The following FREM2 variants were observed in gnomAD, a reference collection of about 807,000 sequenced individuals.
The protein encoded by FREM2 is FRAS1-related extracellular matrix protein 2.
FREM2 carries 119 observed loss-of-function variants against 219.9 expected under a neutral mutation model. The ratio of observed to expected loss-of-function variants is 0.54; its 90% CI spans 0.47 to 0.63. The LOEUF is 0.63. Among genes scored for constraint, FREM2 ranks in the 30% least tolerant of loss-of-function variants. The pLI is 0.00. For missense variants in FREM2, 4,030 were observed against 3,993.6 expected (o/e 1.01, Z -0.25); for synonymous variants, 1,562 against 1,522.8 (o/e 1.03, Z -0.60).
At chr13:38,806,526 G>A (rs920489929) in intron 6 of FREM2, among the ~76,000 whole-genome samples, 2 of 151,518 alleles carry the variant, frequency 1.3e-5, no homozygotes, top group African/African-American at 4.8e-5. Flanking sequence ...GTATGCAATA[G>A]TCTATTAAGT....
At chr13:38,869,586 T>G (rs1174726981) in intron 16 of FREM2, among the ~76,000 whole-genome samples, 1 of 152,180 alleles carries the variant, frequency 6.6e-6, no homozygotes, top group Non-Finnish European at 1.5e-5. Context: ...AAAAACAAAT[T>G]TGGAATTTCT....
At chr13:38,750,817 C>A (rs1215433770) in intron 2 of FREM2, among the ~76,000 whole-genome samples, 1 of 152,128 alleles carries the variant, frequency 6.6e-6, no homozygotes, top group Non-Finnish European at 1.5e-5. Context: ...CTCAGCCTCC[C>A]AAGTAGCTGG....
chr13:38,695,739 A>C (rs1006113758), intron 1 of FREM2, among the ~76,000 whole-genome samples: 1 of 152,202 alleles, frequency 6.6e-6, no homozygotes, highest in Non-Finnish European at 1.5e-5. Flanking sequence ...TATAACAGTA[A>C]ACAGGCAAAG....
intron 6 of FREM2, chr13:38,822,062 G>A (rs1486387165): frequency 6.6e-6 from 1 of 152,148 alleles, no homozygotes; most frequent in African/African-American, 2.4e-5. Flanking sequence ...GATGAGCCAA[G>A]TTACAGTACA....
At chr13:38,742,251 T>C (rs1458961575) in intron 2 of FREM2, among the ~76,000 whole-genome samples, 2 of 152,232 alleles carry the variant, frequency 1.3e-5, no homozygotes, top group East Asian at 3.8e-4. Context: ...TATAAAAATA[T>C]GCACTTGCAA....
chr13:38,745,892 C>T (rs1872461085), intron 2 of FREM2, among the ~76,000 whole-genome samples: 1 of 152,180 alleles, frequency 6.6e-6, no homozygotes, highest in Non-Finnish European at 1.5e-5. Context: ...CTTTCTTCCC[C>T]AGCTCCTCAC....
rs79041280 is a variant in FREM2, at chr13:38,786,694, T to A, written c.6019+1886T>A. 1.5e-3 allele frequency among the ~76,000 whole-genome samples: 233 copies of A among 152,214 alleles called. 3 individuals carry two copies. In the East Asian group the frequency reaches 0.043, roughly 28 times the overall value. On this transcript the variant is annotated intron_variant, in intron 6 of 23. Coordinates refer to ENST00000280481, the MANE Select transcript of FREM2 (RefSeq NM_207361.6). ...CAGTTTGTTTTTTTTGGCAAAAAAA[T>A]CTTTCCTGTATGGATTGCTATGGGA...
rs558174694 is a variant in FREM2 at position 38,688,931 on chromosome 13, C to T, written c.1587C>T (p.Ser529=). The T allele has an allele frequency of 4.1e-5, 66 of 1,612,284 alleles. 1 individual carries two copies. In the South Asian group the frequency reaches 4.4e-4, roughly 11 times the overall value. The change falls in exon 1 of 24, where the codon AGC becomes AGT. Residue 529 remains serine, a synonymous_variant. Transcript: ENST00000280481. The part of the protein sequence containing the change: ...YQHDDRDGSL[S]DNLVLRMVDG... The stretch of plus-strand genomic sequence containing the variant: ...ATGATGACAGAGACGGCTCGCTGAG[C>T]GACAACCTGGTGCTTCGCATGGTGG...
intron 2 of FREM2, among the ~76,000 whole-genome samples, chr13:38,704,268 G>A (rs1350894420): frequency 6.6e-6 from 1 of 152,306 alleles, no homozygotes; most frequent in East Asian, 1.9e-4. Context: ...TGAGAATACA[G>A]TGATGAATAT....
At chr13:38,840,462 C>T (rs1456420019) in intron 6 of FREM2, among the ~76,000 whole-genome samples, 1 of 149,756 alleles carries the variant, frequency 6.7e-6, no homozygotes, top group Non-Finnish European at 1.5e-5. Context: ...GGCTCTGTCA[C>T]CCAGGCTGGA....
At chr13:38,795,661 C>A (rs1057270446) in intron 6 of FREM2, among the ~76,000 whole-genome samples, 1 of 152,108 alleles carries the variant, frequency 6.6e-6, no homozygotes, top group Non-Finnish European at 1.5e-5. Flanking sequence ...TCACCCAAAT[C>A]TGCAATCAAA....
chr13:38,703,332 A>G (rs1485794711), intron 2 of FREM2, among the ~76,000 whole-genome samples: 3 of 152,186 alleles, frequency 2.0e-5, no homozygotes, highest in Non-Finnish European at 4.4e-5. Context: ...CAATAAAATT[A>G]ATTGCTAGTG....
chr13:38,878,366 G>C, intron 22 of FREM2, 45 bp downstream of exon 22: 1 of 1,421,204 alleles, frequency 7.0e-7, no homozygotes, highest in Non-Finnish European at 9.7e-7. Flanking sequence ...ATTTTTCAAA[G>C]TTCAGCCTCC....
intron 2 of FREM2, among the ~76,000 whole-genome samples, chr13:38,758,421 G>A (rs1250522124): frequency 1.3e-5 from 2 of 152,068 alleles, no homozygotes; most frequent in African/African-American, 2.4e-5. Flanking sequence ...ATCCCCTCAG[G>A]CTACAGTAAT....
chr13:38,858,178 A>C, intron 13 of FREM2, 145 bp downstream of exon 13: 1 of 729,400 alleles, frequency 1.4e-6, no homozygotes, highest in Admixed American at 2.4e-5. Context: ...CATATATAAC[A>C]CTAATCAAAT....
intron 15 of FREM2, among the ~76,000 whole-genome samples, 171 bp from the exon 16 acceptor site, chr13:38,864,104 C>T (rs144340325): frequency 3.3e-5 from 5 of 152,142 alleles, no homozygotes; most frequent in African/African-American, 1.2e-4. Flanking sequence ...GCCGGGATTA[C>T]AGGCATGAGC....
chr13:38,745,828 G>T (rs757133669), intron 2 of FREM2, among the ~76,000 whole-genome samples: 7 of 152,032 alleles, frequency 4.6e-5, no homozygotes, highest in Non-Finnish European at 8.8e-5. Flanking sequence ...TGCCTATCGG[G>T]GACAAGGTTA....
At chr13:38,817,489 A>T (rs1875813263) in intron 6 of FREM2, among the ~76,000 whole-genome samples, 1 of 152,118 alleles carries the variant, frequency 6.6e-6, no homozygotes, top group South Asian at 2.1e-4. Context: ...AATAAATGGT[A>T]TTGGGAAAAT....
At position 38,883,179 on chromosome 13, in the gene FREM2, A is replaced by C. The variant is rs1420298739; in HGVS notation, c.*2392A>C. 1 of 150,978 alleles carries C rather than the reference A, an allele frequency of 6.6e-6. No individual in the cohort carries two copies. Among genetic ancestry groups the C allele is most frequent in the Non-Finnish European group, 1.5e-5 (1 of 67,908 alleles). 9.4% of individuals were successfully genotyped at this position (150,978 alleles called of 1,614,324 possible). Reference sequence around the variant, plus strand: ...AAGAGAATCTGTGGGAAATAGGCAGATATAGCTTTTTAAAATATAAAGTAC... The same window carrying C: ...AAGAGAATCTGTGGGAAATAGGCAGCTATAGCTTTTTAAAATATAAAGTAC... On this transcript the variant is annotated 3_prime_UTR_variant, in exon 24 of 24. Coordinates refer to ENST00000280481, the MANE Select transcript of FREM2 (RefSeq NM_207361.6).
Sources: allele counts gnomAD v4.1 joint callset (sites outside exome capture counted in the v4.1 genomes callset), GRCh38; gene constraint gnomAD v4.1.1; transcripts MANE v1.5; gene names NCBI Gene and HGNC (gene_info 2026-07-23, HGNC 2026-07-21).